Variants in PRKDC observed in about 807,000 individuals in gnomAD.
The protein encoded by PRKDC is DNA-dependent protein kinase catalytic subunit.
PRKDC carries 82 observed loss-of-function variants against 486.9 expected under a neutral mutation model. The ratio of observed to expected loss-of-function variants is 0.17; its 90% CI spans 0.14 to 0.20. PRKDC has a LOEUF of 0.20. Among genes scored for constraint, PRKDC ranks in the 10% least tolerant of loss-of-function variants. The pLI, the probability that PRKDC is intolerant of heterozygous loss-of-function variation, is 1.00. For missense variants in PRKDC, 4,504 were observed against 5,038.2 expected (o/e 0.89, Z 3.21); for synonymous variants, 1,895 against 1,837.0 (o/e 1.03, Z -0.81).
At position 47,777,652 on chromosome 8, in the gene PRKDC, C is replaced by A. The variant is rs371155108; in HGVS notation, c.12042+34G>T. ...CAGCTTGATCACGGGGACACTGTCA[C>A]AAAAGTGAAAAGTGCACATGAAACA... On this transcript the variant is annotated intron_variant, in intron 84 of 85. Transcript: ENST00000314191. 6.3e-5 allele frequency: 97 copies of A among 1,538,600 alleles called. No individual in the cohort carries two copies. In the African/African-American group the frequency reaches 1.2e-3, roughly 20 times the overall value.
In PRKDC at chr8:47,921,988, C is replaced by T. The variant is rs546571391; in HGVS notation, c.2420-3605G>A. Among the ~76,000 whole-genome samples, 4 of 152,198 alleles carry T rather than the reference C, an allele frequency of 2.6e-5. No homozygotes were observed. The South Asian group carries it at 6.2e-4, about 24-fold the overall frequency. Reference sequence around the variant, plus strand: ...TAGAGCCAGGGTTTTGCCATGTTGGCCAGGTTGGTCTCGAACTCATGACTT... The same window carrying T: ...TAGAGCCAGGGTTTTGCCATGTTGGTCAGGTTGGTCTCGAACTCATGACTT... On this transcript the variant is annotated intron_variant, in intron 21 of 85. Coordinates refer to ENST00000314191, the MANE Select transcript of PRKDC (RefSeq NM_006904.7).
rs2090178803 is a variant in PRKDC, at chr8:47,927,837, G to C, written c.2193C>G (p.Thr731=). 1 of 1,595,068 alleles carries C rather than the reference G, an allele frequency of 6.3e-7. No individual in the cohort carries two copies. The highest frequency in any genetic ancestry group is 8.5e-7 in the Non-Finnish European group (1 of 1,172,112). Residue 731 remains threonine (T), a synonymous_variant, in exon 20 of 86, where the codon ACC becomes ACG. Coordinates refer to ENST00000314191, the MANE Select transcript of PRKDC (RefSeq NM_006904.7). ...YKDELLASCL[T]FLLSLPHNII... is the part of the protein sequence containing the mutation. ...TGTTGTGTGGCAAGGACAGAAGAAA[G>C]GTCAAACAAGAGGCCAAAAGTTCAT...
chr8:47,942,934 C>A (rs1457800890), intron 10 of PRKDC, among the ~76,000 whole-genome samples: 1 of 152,236 alleles, frequency 6.6e-6, no homozygotes, highest in East Asian at 1.9e-4. Flanking sequence ...CCAGCCCTGA[C>A]CTCCCAGCCC....
At chr8:47,776,308 C>G (rs2086608239) in intron 85 of PRKDC, among the ~76,000 whole-genome samples, 1 of 152,192 alleles carries the variant, frequency 6.6e-6, no homozygotes. Flanking sequence ...TAGATTGCCA[C>G]TATTACTTAA....
intron 64 of PRKDC, among the ~76,000 whole-genome samples, chr8:47,822,561 C>T (rs539858376): frequency 3.3e-5 from 5 of 152,200 alleles, no homozygotes; most frequent in East Asian, 1.9e-4. Flanking sequence ...GAGGCCGAGG[C>T]GGGCGGATCA....
intron 80 of PRKDC, among the ~76,000 whole-genome samples, chr8:47,780,721 C>T (rs890544238): frequency 2.0e-5 from 3 of 152,082 alleles, no homozygotes; most frequent in South Asian, 2.1e-4. Flanking sequence ...GGGCGGATCA[C>T]GAGGTCAAGA....
At chr8:47,934,365 TCTCTA>T (rs1181271763) in intron 14 of PRKDC, among the ~76,000 whole-genome samples, 5 of 152,126 alleles carry the variant, frequency 3.3e-5, no homozygotes, top group African/African-American at 1.2e-4. Flanking sequence ...TGGCAAAATG[TCTCTA>T]CTCTAAACAC....
chr8:47,939,583 T>C lies in PRKDC; in HGVS notation c.1081A>G (p.Ile361Val), dbSNP rs1484606220. ...NVDSNNKELS[I>V]AIRGYGLFAG... ...AAAAGTCCATATCCACGGATAGCAA[T>C]AGATAACTCCTTGTTGTTCGAATCC... The change falls in exon 11 of 86, where the codon ATT becomes GTT. Residue 361 changes from isoleucine to valine, a missense_variant. Ile to Val is a conservative substitution (Grantham distance 29, BLOSUM62 3). Transcript: ENST00000314191. The C allele has an allele frequency of 1.9e-6, 3 of 1,613,596 alleles. No individual in the cohort carries two copies. The highest frequency in any genetic ancestry group is 1.7e-5 in the Admixed American group (1 of 59,988).
chr8:47,783,769 G>A lies in PRKDC; in HGVS notation c.11148C>T (p.His3716=), dbSNP rs773037497. ...GCTCATCAAACCCGGCGATTCGCAC[G>A]TGGTACTCTGGCAATGGCTTTCCCC... ...DGRGKPLPEY[H]VRIAGFDERV... is the part of the protein sequence containing the mutation. The change falls in exon 78 of 86, where the codon CAC becomes CAT. Residue 3716 remains histidine, a synonymous_variant. Transcript: ENST00000314191. 19 of 1,613,894 alleles carry A rather than the reference G, an allele frequency of 1.2e-5. No individual in the cohort carries two copies. In the Middle Eastern group the frequency reaches 1.2e-3, roughly 98 times the overall value.
chr8:47,948,573 C>T (rs1392946578), intron 7 of PRKDC, among the ~76,000 whole-genome samples: 1 of 151,328 alleles, frequency 6.6e-6, no homozygotes, highest in African/African-American at 2.4e-5. Flanking sequence ...GATTCTCCTG[C>T]CTCAGCCTCC....
Position 47,893,247 on chromosome 8 carries a change from G to C in PRKDC, c.3739C>G (p.Pro1247Ala). 1 of 1,612,372 alleles carries C rather than the reference G, an allele frequency of 6.2e-7. No individual in the cohort carries two copies. Among genetic ancestry groups the C allele is most frequent in the Non-Finnish European group, 8.5e-7 (1 of 1,179,078 alleles). Residue 1247 changes from proline (P) to alanine (A), a missense_variant, in exon 31 of 86, where the codon CCA becomes GCA. Pro to Ala is a conservative substitution (Grantham distance 27). Transcript: ENST00000314191. The part of the protein sequence containing the change: ...AQPTLLYLRG[P>A]FSLQATLCWL... ...CATAGCGTGGCCTGCAGGCTGAATG[G>C]CCCCCGAAGGTACAAGAGGGTGGGC...
In PRKDC at chr8:47,807,159, A is replaced by G; in HGVS notation, c.9725T>C (p.Met3242Thr). The G allele has an allele frequency of 6.2e-7, 1 of 1,613,896 alleles. No individual in the cohort carries two copies. Among genetic ancestry groups the G allele is most frequent in the South Asian group, 1.1e-5 (1 of 91,058 alleles). The change falls in exon 69 of 86, where the codon ATG becomes ACG. Residue 3242 changes from methionine (M) to threonine (T), a missense_variant. Physicochemically the swap from Met to Thr is moderately conservative, Grantham distance 81. Transcript: ENST00000314191. ...CACCTGCTTCCGGGCACTGTCTATC[A>G]TCTTCATTTTCATGGAAAACTTGCA... ...RSCKFSMKMK[M>T]IDSARKQNNF...
At chr8:47,792,460 G>A (rs1464243333) in intron 74 of PRKDC, among the ~76,000 whole-genome samples, 1 of 151,908 alleles carries the variant, frequency 6.6e-6, no homozygotes, top group Non-Finnish European at 1.5e-5. Flanking sequence ...GGGTTTCACC[G>A]CATTAGCCAG....
intron 25 of PRKDC, among the ~76,000 whole-genome samples, chr8:47,906,549 G>A (rs546796564): frequency 6.6e-5 from 10 of 150,850 alleles, no homozygotes; most frequent in African/African-American, 2.2e-4. Flanking sequence ...CAGGAAAATC[G>A]CTTGAACTGG....
intron 68 of PRKDC, among the ~76,000 whole-genome samples, chr8:47,807,708 G>A (rs535859120): frequency 4.1e-5 from 6 of 147,918 alleles, no homozygotes; most frequent in Admixed American, 1.4e-4. Context: ...GTGAGCCACC[G>A]CACCCGGCCT....
In PRKDC at chr8:47,820,707, A is replaced by G; in HGVS notation, c.9336+12T>C. On this transcript the variant is annotated intron_variant, in intron 66 of 85. Transcript: ENST00000314191. Reference sequence around the variant, plus strand: ...ATATATACAAGCATATATATATAATATATAGTATTACCTGCATAAAACTCT... The same window carrying G: ...ATATATACAAGCATATATATATAATGTATAGTATTACCTGCATAAAACTCT... The G allele has an allele frequency of 7.2e-7, 1 of 1,389,178 alleles. No homozygotes were observed. The highest frequency in any genetic ancestry group is 9.8e-7 in the Non-Finnish European group (1 of 1,022,804). 86.1% of individuals were successfully genotyped at this position (1,389,178 alleles called of 1,614,324 possible).
At position 47,828,290 on chromosome 8, in the gene PRKDC, C is replaced by G; in HGVS notation, c.8455G>C (p.Glu2819Gln). The change falls in exon 62 of 86, where the codon GAG (glutamate) becomes CAG (glutamine). Residue 2819 changes from glutamate to glutamine, a missense_variant. Glu to Gln is a conservative substitution (Grantham distance 29). This residue lies in a region of PRKDC where 1,592 missense variants were observed against 1,724.6 expected (regional missense o/e 0.92). Coordinates refer to ENST00000314191, the MANE Select transcript of PRKDC (RefSeq NM_006904.7). ...FSSLFSGILK[E>Q]MDKFKTLSEK... The stretch of plus-strand genomic sequence containing the variant: ...GACAGTGTCTTAAATTTATCCATCT[C>G]TTTCAAAATTCCAGAAAACAAGCTG... 1 of 1,605,280 alleles carries G rather than the reference C, an allele frequency of 6.2e-7. No homozygotes were observed. The highest frequency in any genetic ancestry group is 1.1e-5 in the South Asian group (1 of 89,242).
chr8:47,908,590 C>A (rs2089836174), intron 25 of PRKDC, among the ~76,000 whole-genome samples: 1 of 152,122 alleles, frequency 6.6e-6, no homozygotes, highest in African/African-American at 2.4e-5. Flanking sequence ...TTTTGAAATG[C>A]TACGAGTCTA....
intron 73 of PRKDC, among the ~76,000 whole-genome samples, chr8:47,796,625 A>G (rs2086991166): frequency 6.6e-6 from 1 of 150,898 alleles, no homozygotes; most frequent in South Asian, 2.1e-4. Context: ...TTTGAGACAG[A>G]GTCTTGCTCT....
Sources: allele counts gnomAD v4.1 joint callset (sites outside exome capture counted in the v4.1 genomes callset), GRCh38; gene constraint gnomAD v4.1.1; regional missense constraint gnomAD v4.1.1; transcripts MANE v1.5; gene names NCBI Gene and HGNC (gene_info 2026-07-23, HGNC 2026-07-21).